The following COL4A3 variants were observed in gnomAD, a reference collection of about 807,000 sequenced individuals.
COL4A3 encodes the protein collagen alpha-3(IV) chain.
Under a neutral mutation model 217.4 loss-of-function variants are expected in COL4A3, and 135 were observed. That is an observed-to-expected ratio of 0.62 (90% CI 0.54 to 0.72). The LOEUF (loss-of-function observed/expected upper bound fraction) is 0.72. Among genes scored for constraint, COL4A3 ranks in the 30% least tolerant of loss-of-function variants. The probability of loss-of-function intolerance (pLI) is 0.00; values close to 1 mark genes in which losing one functional copy is unlikely to be tolerated. For synonymous variants in COL4A3, 690 were observed against 736.3 expected (o/e 0.94, Z 1.02); for missense variants, 1,868 against 2,119.9 (o/e 0.88, Z 2.33).
At chr2:227,236,274 C>G (rs750644544) in intron 1 of COL4A3, among the ~76,000 whole-genome samples, 4 of 152,218 alleles carry the variant, frequency 2.6e-5, no homozygotes, top group African/African-American at 9.6e-5. Flanking sequence ...TAGTTACTTT[C>G]CATTCCTATA....
At chr2:227,254,253 TAA>T (rs1274979963) in intron 14 of COL4A3, 79 bp downstream of exon 14, 15 of 1,319,738 alleles carry the variant, frequency 1.1e-5, no homozygotes, top group African/African-American at 1.5e-5. Flanking sequence ...TGTTTTGTCT[TAA>T]GTTGTTTTTT....
intron 3 of COL4A3, among the ~76,000 whole-genome samples, chr2:227,243,421 G>C (rs2069138725): frequency 6.6e-6 from 1 of 152,154 alleles, no homozygotes; most frequent in Non-Finnish European, 1.5e-5. Context: ...AGTTTACAAT[G>C]AGAAAGTAAA....
intron 23 of COL4A3, chr2:227,268,568 T>C (rs2071054917): frequency 6.6e-6 from 1 of 152,244 alleles, no homozygotes; most frequent in African/African-American, 2.4e-5. Flanking sequence ...AACACTGTGG[T>C]CAGCCACTGG....
intron 1 of COL4A3, among the ~76,000 whole-genome samples, chr2:227,202,832 T>TATACATATGTGTATATATACATAC (rs2066769618): frequency 1.9e-5 from 1 of 53,504 alleles, no homozygotes; most frequent in Non-Finnish European, 3.9e-5. Context: ...TATGTGTATC[T>TATACATATGTGTATATATACATAC]ATGTGTATAT....
Position 227,282,401 on chromosome 2 carries a change from G to C in COL4A3, c.2525G>C (p.Gly842Ala). The C allele has an allele frequency of 1.2e-6, 2 of 1,613,160 alleles. No individual in the cohort carries two copies. Among genetic ancestry groups the C allele is most frequent in the Non-Finnish European group, 1.7e-6 (2 of 1,179,826 alleles). The part of the protein sequence containing the change: ...RGKTGPKGDP[G>A]IPGLDRSGFP... ...AAAACGGGGCCAAAGGGAGACCCAG[G>C]AATTCCAGGCTTGGATAGATCAGGA... Residue 842 changes from glycine to alanine, a missense_variant, in exon 32 of 52, where the codon GGA (glycine) becomes GCA (alanine). Around this residue, in one of 2 missense-constraint regions of COL4A3, gnomAD observed 1,503 missense variants for 1,786.1 expected, o/e 0.84. Coordinates refer to ENST00000396578, the MANE Select transcript of COL4A3 (RefSeq NM_000091.5). The surrounding 1 kb of genome is among the most constrained non-coding windows in gnomAD (Gnocchi z 4.4).
At chr2:227,226,549 A>G (rs2068105784) in intron 1 of COL4A3, among the ~76,000 whole-genome samples, 1 of 151,388 alleles carries the variant, frequency 6.6e-6, no homozygotes. Flanking sequence ...TGCTTACTGT[A>G]ACCTTCACCT....
chr2:227,270,989 A>G, intron 25 of COL4A3, 37 bp downstream of exon 25: 1 of 1,598,172 alleles, frequency 6.3e-7, no homozygotes, highest in East Asian at 2.2e-5. Flanking sequence ...CTATAAATGA[A>G]GTACTCTGAA....
intron 1 of COL4A3, among the ~76,000 whole-genome samples, chr2:227,197,462 AAT>A (rs1203103356): frequency 2.6e-5 from 4 of 152,214 alleles, no homozygotes; most frequent in African/African-American, 9.6e-5. Flanking sequence ...ATGTTTGCAC[AAT>A]GACAAAATTG....
At chr2:227,222,202 CAT>C (rs1163805079) in intron 1 of COL4A3, among the ~76,000 whole-genome samples, 4 of 150,730 alleles carry the variant, frequency 2.7e-5, no homozygotes, top group Non-Finnish European at 5.9e-5. Flanking sequence ...GCACCCTTGA[CAT>C]ACAATACCCA....
At chr2:227,279,703 C>A in intron 28 of COL4A3, 90 bp from the exon 29 acceptor site, 2 of 880,610 alleles carry the variant, frequency 2.3e-6, no homozygotes, top group East Asian at 2.7e-5. Context: ...ATAAAAGCAT[C>A]TCTAGCTGGT....
chr2:227,293,302 A>AGTC lies in COL4A3; in HGVS notation c.3323_3325dup (p.Ser1108_Pro1109insArg). On this transcript the variant is annotated inframe_insertion, in exon 38 of 52. Coordinates refer to ENST00000396578, the MANE Select transcript of COL4A3 (RefSeq NM_000091.5). ...TGAGGGAGCCCCTGGAAGTCCTGGAAGTCCTGGCCTCCCAGGTAAGGCTTG... is the reference window on the plus strand; with the variant it reads ...TGAGGGAGCCCCTGGAAGTCCTGGAAGTCGTCCTGGCCTCCCAGGTAAGGCTTG... 6.2e-7 allele frequency: 1 copy of AGTC among 1,613,826 alleles called. No homozygotes were observed.
intron 1 of COL4A3, among the ~76,000 whole-genome samples, chr2:227,219,419 G>A (rs576400160): frequency 4.3e-4 from 65 of 152,266 alleles, no homozygotes; most frequent in Middle Eastern, 3.4e-3. Flanking sequence ...CTGTGCCAGC[G>A]GGGTGGGTTG....
At chr2:227,299,204 G>A (rs1388827682) in intron 43 of COL4A3, among the ~76,000 whole-genome samples, 2 of 152,162 alleles carry the variant, frequency 1.3e-5, no homozygotes, top group African/African-American at 4.8e-5. Context: ...GACCATCCTG[G>A]CTAACATGGT....
rs1236240631 is a variant in COL4A3, at chr2:227,261,092, T to C, written c.1125T>C (p.Gly375=). 2.5e-6 allele frequency: 4 copies of C among 1,611,726 alleles called. No homozygotes were observed. Among genetic ancestry groups the C allele is most frequent in the East Asian group, 2.2e-5 (1 of 44,880 alleles). ...RGARGPQGPS[G]PPGVPGSPGS... is the part of the protein sequence containing the mutation. ...GTTATATATTCCCAGGTCCCAGTGG[T>C]CCCCCCGGAGTTCCTGGAAGTCCTG... Residue 375 remains glycine, a synonymous_variant, in exon 20 of 52, where the codon GGT becomes GGC. Coordinates refer to ENST00000396578, the MANE Select transcript of COL4A3 (RefSeq NM_000091.5).
chr2:227,309,571 C>T (rs1466617673), intron 50 of COL4A3, among the ~76,000 whole-genome samples: 10 of 151,866 alleles, frequency 6.6e-5, no homozygotes, highest in South Asian at 2.1e-4. Flanking sequence ...ATAGTAGCTG[C>T]GTTTTATTGA....
rs183660187 is a variant in COL4A3 at position 227,166,721 on chromosome 2, C to T, written c.87+1908C>T. On this transcript the variant is annotated intron_variant, in intron 1 of 51. Coordinates refer to ENST00000396578, the MANE Select transcript of COL4A3 (RefSeq NM_000091.5). ...TTCAGGATTATCATTTCCAGTGTAC[C>T]TGCTGGGTTAGAGAGAAAATATGCC... 2.0e-5 allele frequency among the ~76,000 whole-genome samples: 3 copies of T among 152,178 alleles called. No homozygotes were observed. The East Asian group carries it at 5.8e-4, about 29-fold the overall frequency.
chr2:227,214,675 T>C (rs908461271), intron 1 of COL4A3, among the ~76,000 whole-genome samples: 1 of 152,230 alleles, frequency 6.6e-6, no homozygotes, highest in Admixed American at 6.5e-5. Context: ...TACCTGTCCA[T>C]TGTGAATTAT....
Position 227,266,518 on chromosome 2 carries a change from A to G in COL4A3, c.1408+9A>G, listed in dbSNP as rs749644624. On this transcript the variant is annotated intron_variant, in intron 22 of 51. Coordinates refer to ENST00000396578, the MANE Select transcript of COL4A3 (RefSeq NM_000091.5). ...AGTTGATGGGCCCAAAGGTTGGTTCAATCAATAATGTTGTATTAGGATAAG... is the reference window on the plus strand; with the variant it reads ...AGTTGATGGGCCCAAAGGTTGGTTCGATCAATAATGTTGTATTAGGATAAG... 1.9e-6 allele frequency: 3 copies of G among 1,603,282 alleles called. No homozygotes were observed. Among genetic ancestry groups the G allele is most frequent in the African/African-American group, 2.7e-5 (2 of 74,830 alleles).
chr2:227,260,988 TTAAC>T, intron 19 of COL4A3, 90 bp from the exon 20 acceptor site: 1 of 984,394 alleles, frequency 1.0e-6, no homozygotes, highest in Non-Finnish European at 1.6e-6. Context: ...CTCTGTATTA[TTAAC>T]TATCAGTATA....
Sources: gnomAD v4.1 joint callset for allele counts (sites outside exome capture counted in the v4.1 genomes callset) on GRCh38, gnomAD v4.1.1 for gene constraint, gnomAD v4.1.1 regional missense constraint, Gnocchi (gnomAD v3.1) non-coding constraint, MANE v1.5 for transcripts, NCBI Gene and HGNC (gene_info 2026-07-23, HGNC 2026-07-21) for gene names.